Variants in COL5A3 observed in about 807,000 individuals in gnomAD.
The protein encoded by COL5A3 is collagen type V alpha 3 chain.
A neutral mutation model predicts 250.0 loss-of-function variants in COL5A3; 172 were observed. That is an observed-to-expected ratio of 0.69 (90% CI 0.61 to 0.78). The LOEUF is 0.78. Ranked by LOEUF, COL5A3 falls within the 30% of genes least tolerant of loss-of-function variation. The pLI, the probability that COL5A3 is intolerant of heterozygous loss-of-function variation, is 0.00. For synonymous variants in COL5A3, 937 were observed against 900.4 expected, an observed-to-expected ratio of 1.04 and a Z score of -0.73; for missense variants, 2,340 against 2,334.4, an observed-to-expected ratio of 1.00 and a Z score of -0.05.
In COL5A3 at chr19:10,010,311, C is replaced by A. The variant is rs973420268; in HGVS notation, c.75G>T (p.Pro25=). 10 of 1,455,652 alleles carry A rather than the reference C, an allele frequency of 6.9e-6. No individual in the cohort carries two copies. The highest frequency in any genetic ancestry group is 9.1e-6 in the Non-Finnish European group (10 of 1,099,182). The allele number at this position is 1,455,652 out of a possible 1,614,324, so 90.2% of individuals were successfully genotyped here. ...CTCCCGGCTCACCGGCCTGCGTCCC[C>A]GGCAGAAGCTGCAGCGCGGCCAGGA... is the stretch of plus-strand genomic sequence containing the variant. The part of the protein sequence containing the change: ...CLLLAALQLL[P]GTQADPVDVL... The change falls in exon 1 of 67, where the codon CCG becomes CCT. Residue 25 remains proline, a synonymous_variant. Transcript: ENST00000264828.
intron 51 of COL5A3, among the ~76,000 whole-genome samples, chr19:9,972,064 T>C (rs1420803424): frequency 6.6e-6 from 1 of 152,272 alleles, no homozygotes; most frequent in Non-Finnish European, 1.5e-5. Context: ...CATTCATTCA[T>C]GCATCCATTC....
At chr19:9,967,855 G>C (rs759625366) in intron 61 of COL5A3, 49 bp downstream of exon 61, 80 of 1,579,002 alleles carry the variant, frequency 5.1e-5, no homozygotes, top group Middle Eastern at 1.8e-4. Context: ...TGCAGTGAAG[G>C]GGGTGGGGAG....
At position 9,989,500 on chromosome 19, in the gene COL5A3, A is replaced by T; in HGVS notation, c.2015T>A (p.Ile672Asn). 6.2e-7 allele frequency: 1 copy of T among 1,613,038 alleles called. No individual in the cohort carries two copies. The highest frequency in any genetic ancestry group is 8.5e-7 in the Non-Finnish European group (1 of 1,179,440). ...GCCATCGGATCCTGGGAGGCCTGGA[A>T]TTCCTGGGTTTCCAGGGGGACCCTG... Reference protein sequence around the residue: ...GEKGPPGNPGIPGLPGSDGPL... With the variant: ...GEKGPPGNPGNPGLPGSDGPL... The change falls in exon 25 of 67, where the codon ATT (isoleucine) becomes AAT (asparagine). Residue 672 changes from isoleucine to asparagine, a missense_variant. Coordinates refer to ENST00000264828, the MANE Select transcript of COL5A3 (RefSeq NM_015719.4).
In COL5A3 at chr19:10,006,108, C is replaced by T. The variant is rs750991250; in HGVS notation, c.212G>A (p.Ser71Asn). ...TTCCCACGTGGGGATGCCGAGCGTG[C>T]TGGCCTGGCCAATTCTGAATGCCCG... Reference protein sequence around the residue: ...GDRAFRIGQASTLGIPTWELF... With the variant: ...GDRAFRIGQANTLGIPTWELF... The change falls in exon 2 of 67, where the codon AGC becomes AAC. Residue 71 changes from serine (S) to asparagine (N), a missense_variant. Transcript: ENST00000264828. 2.5e-6 allele frequency: 4 copies of T among 1,614,030 alleles called. No individual in the cohort carries two copies. The highest frequency in any genetic ancestry group is 1.6e-4 in the Middle Eastern group (1 of 6,062).
chr19:9,974,335 C>T lies in COL5A3; in HGVS notation c.3416G>A (p.Gly1139Asp). ...FGQKGDDGVR[G>D]FVGVIGPPGL... is the part of the protein sequence containing the mutation. ...AGGAGGGCCAATCACCCCCACAAAG[C>T]CTCTGACTCCGTCATCTCCTTTCTG... Residue 1139 changes from glycine (G) to aspartate (D), a missense_variant, in exon 46 of 67, where the codon GGC (glycine) becomes GAC (aspartate). Coordinates refer to ENST00000264828, the MANE Select transcript of COL5A3 (RefSeq NM_015719.4). The T allele has an allele frequency of 6.2e-7, 1 of 1,612,692 alleles. No homozygotes were observed. Among genetic ancestry groups the T allele is most frequent in the Non-Finnish European group, 8.5e-7 (1 of 1,179,314 alleles).
chr19:9,970,918 C>T lies in COL5A3; in HGVS notation c.3882+57G>A, dbSNP rs2086836045. Reference sequence around the variant, plus strand: ...CACTCCCCTGCCCCCCCAATTCACTCACTCATTAGCTCCCCAACCCCCGCC... The same window carrying T: ...CACTCCCCTGCCCCCCCAATTCACTTACTCATTAGCTCCCCAACCCCCGCC... On this transcript the variant is annotated intron_variant, in intron 53 of 66. Transcript: ENST00000264828. 2.8e-5 allele frequency: 35 copies of T among 1,251,024 alleles called. No homozygotes were observed. The South Asian group carries it at 5.1e-4, about 18-fold the overall frequency. The allele number at this position is 1,251,024 out of a possible 1,614,324, so 77.5% of individuals were successfully genotyped here.
intron 45 of COL5A3, among the ~76,000 whole-genome samples, chr19:9,975,327 G>T (rs553124888): frequency 1.3e-5 from 2 of 151,978 alleles, no homozygotes; most frequent in Non-Finnish European, 2.9e-5. Flanking sequence ...TGATCCACCC[G>T]CCTTGGCCTC....
intron 35 of COL5A3, among the ~76,000 whole-genome samples, chr19:9,980,411 T>G (rs1404816312): frequency 2.6e-5 from 4 of 152,144 alleles, no homozygotes; most frequent in African/African-American, 4.8e-5. Context: ...TCACCCAAGC[T>G]GGAGTGCAGT....
rs557950410 is a variant in COL5A3, at chr19:9,985,560, A to G, written c.2406+282T>C. 3.2e-3 allele frequency among the ~76,000 whole-genome samples: 491 copies of G among 152,012 alleles called. 2 individuals are homozygous for G. Among genetic ancestry groups the G allele is most frequent in the African/African-American group, 0.011 (465 of 41,474 alleles). ...CAGCCATGAGCCACTGCGCCCAGCC[A>G]CATCTGGCTAATTTTTGTATGTTTT... On this transcript the variant is annotated intron_variant, in intron 31 of 66. Coordinates refer to ENST00000264828, the MANE Select transcript of COL5A3 (RefSeq NM_015719.4).
intron 27 of COL5A3, among the ~76,000 whole-genome samples, chr19:9,988,820 C>T (rs140155653): frequency 0.056 from 5,664 of 101,820 alleles, 162 homozygotes; most frequent in Middle Eastern, 0.14. Flanking sequence ...GGCGACAAAG[C>T]GAGACTCTGT....
At position 10,003,941 on chromosome 19, in the gene COL5A3, C is replaced by G. The variant is rs1023993627; in HGVS notation, c.699+100G>C. Reference sequence around the variant, plus strand: ...GTTGGAGGTCACGGGTCACTTAACCCCATGTCTGGGGGATGAGAATTCACT... The same window carrying G: ...GTTGGAGGTCACGGGTCACTTAACCGCATGTCTGGGGGATGAGAATTCACT... On this transcript the variant is annotated intron_variant, in intron 5 of 66. Transcript: ENST00000264828. 15 of 1,116,804 alleles carry G rather than the reference C, an allele frequency of 1.3e-5. No homozygotes were observed. The African/African-American group carries it at 2.0e-4, about 15-fold the overall frequency. The allele number at this position is 1,116,804 out of a possible 1,614,324, so 69.2% of individuals were successfully genotyped here.
intron 33 of COL5A3, 109 bp downstream of exon 33, chr19:9,980,979 G>A (rs2087001278): frequency 2.0e-6 from 3 of 1,505,208 alleles, no homozygotes; most frequent in Non-Finnish European, 2.8e-6. Context: ...CAGGGACATT[G>A]ATATAACCCA....
intron 15 of COL5A3, 69 bp downstream of exon 15, chr19:9,995,997 G>A: frequency 2.2e-6 from 3 of 1,392,020 alleles, no homozygotes; most frequent in Non-Finnish European, 2.9e-6. Flanking sequence ...TCCCCATCCA[G>A]CACTGTATCT....
intron 64 of COL5A3, among the ~76,000 whole-genome samples, chr19:9,964,936 C>T (rs2086719710): frequency 7.2e-6 from 1 of 138,050 alleles, no homozygotes; most frequent in Non-Finnish European, 1.5e-5. Flanking sequence ...GTAATTACAG[C>T]TCCTGGGGAG....
At position 9,978,693 on chromosome 19, in the gene COL5A3, G is replaced by A. The variant is rs374534147; in HGVS notation, c.2965-66C>T. 82 of 1,191,052 alleles carry A rather than the reference G, an allele frequency of 6.9e-5. No individual in the cohort carries two copies. In the African/African-American group the frequency reaches 1.3e-3, roughly 18 times the overall value. The allele number at this position is 1,191,052 out of a possible 1,614,324, so 73.8% of individuals were successfully genotyped here. A position where few individuals can be genotyped will look rare whatever the true frequency, so the allele number is the denominator to read the frequency against. ...GTGTCCCCAGGTCCTGTCTTCCTCT[G>A]TGGGGAGCTCACAGTCCCCACCTCT... is the stretch of plus-strand genomic sequence containing the variant. On this transcript the variant is annotated intron_variant, in intron 40 of 66. Coordinates refer to ENST00000264828, the MANE Select transcript of COL5A3 (RefSeq NM_015719.4).
In COL5A3 at chr19:10,001,606, T is replaced by A; in HGVS notation, c.1028A>T (p.Asp343Val). ...CATGGTGGAATCATCTCCTTCTTCA[T>A]CCTCCCTGGCTGCCTTGGTCTCCAG... ...GTLETKAAREDEEGDDSTMGP... is the reference protein window; with the variant it reads ...GTLETKAAREVEEGDDSTMGP... The change falls in exon 8 of 67, where the codon GAT becomes GTT. Residue 343 changes from aspartate (D) to valine (V), a missense_variant. Transcript: ENST00000264828. 1 of 1,614,022 alleles carries A rather than the reference T, an allele frequency of 6.2e-7. No homozygotes were observed. The highest frequency in any genetic ancestry group is 1.1e-5 in the South Asian group (1 of 91,064).
At chr19:10,008,920 T>C (rs1015268880) in intron 1 of COL5A3, among the ~76,000 whole-genome samples, 44 of 152,128 alleles carry the variant, frequency 2.9e-4, no homozygotes, top group African/African-American at 1.1e-3. Flanking sequence ...GGGCAGCATG[T>C]GTGAGAATTT....
Position 9,979,103 on chromosome 19 carries a change from A to G in COL5A3, c.2874+29T>C, listed in dbSNP as rs115276056. ...GTCCTTGGTTGATCTTGGATGTTCA[A>G]CCAAGATCTCCAGTGGACAGTGTCT... is the stretch of plus-strand genomic sequence containing the variant. On this transcript the variant is annotated intron_variant, in intron 39 of 66. Coordinates refer to ENST00000264828, the MANE Select transcript of COL5A3 (RefSeq NM_015719.4). The G allele has an allele frequency of 9.2e-4, 1,393 of 1,513,776 alleles. 11 individuals carry two copies. In the African/African-American group the frequency reaches 0.017, roughly 19 times the overall value. The allele number at this position is 1,513,776 out of a possible 1,614,324, so 93.8% of individuals were successfully genotyped here. A position where few individuals can be genotyped will look rare whatever the true frequency, so the allele number is the denominator to read the frequency against.
intron 31 of COL5A3, among the ~76,000 whole-genome samples, chr19:9,982,754 A>G (rs1235633462): frequency 1.3e-5 from 2 of 152,144 alleles, no homozygotes; most frequent in Non-Finnish European, 2.9e-5. Context: ...ACAGTTGCCC[A>G]AGTTACACAG....
Sources: allele counts gnomAD v4.1 joint callset (sites outside exome capture counted in the v4.1 genomes callset), GRCh38; gene constraint gnomAD v4.1.1; transcripts MANE v1.5; gene names NCBI Gene and HGNC (gene_info 2026-07-23, HGNC 2026-07-21).